Variants in PARN observed in about 807,000 individuals in gnomAD.
PARN encodes poly(A)-specific ribonuclease.
Under a neutral mutation model 102.8 loss-of-function variants are expected in PARN, and 71 were observed. The observed-to-expected ratio is 0.69, with a 90% CI of 0.57 to 0.84. PARN has a LOEUF of 0.84. PARN is among the 40% of genes least tolerant of loss of function. The probability of loss-of-function intolerance (pLI) is 0.00; values close to 1 mark genes in which losing one functional copy is unlikely to be tolerated. For missense variants in PARN, 782 were observed against 760.9 expected (o/e 1.03, Z -0.33); for synonymous variants, 261 against 252.9 (o/e 1.03, Z -0.30).
chr16:14,626,216 C>A (rs1384430591), intron 5 of PARN, among the ~76,000 whole-genome samples: 1 of 152,178 alleles, frequency 6.6e-6, no homozygotes, highest in Non-Finnish European at 1.5e-5. Context: ...TACACACATA[C>A]TCTGCTTTTC....
chr16:14,617,567 A>G, intron 6 of PARN, 23 bp downstream of exon 6: 1 of 1,194,246 alleles, frequency 8.4e-7, no homozygotes, highest in Middle Eastern at 1.9e-4. Flanking sequence ...TAAGCTCTAA[A>G]GATAGGTTAC....
At chr16:14,463,838 T>TTGGG (rs761083037) in intron 22 of PARN, among the ~76,000 whole-genome samples, 1 of 95,044 alleles carries the variant, frequency 1.1e-5, no homozygotes, top group African/African-American at 4.1e-5. Context: ...CTTTTTTTTT[T>TTGGG]GGGGGGGGGG....
At chr16:14,557,412 C>T (rs536493010) in intron 18 of PARN, among the ~76,000 whole-genome samples, 1 of 152,036 alleles carries the variant, frequency 6.6e-6, no homozygotes, top group East Asian at 1.9e-4. Context: ...CAAAAATTCG[C>T]TGGGCATGGT....
intron 18 of PARN, among the ~76,000 whole-genome samples, chr16:14,558,827 C>G (rs1596667189): frequency 6.6e-6 from 1 of 152,058 alleles, no homozygotes; most frequent in Non-Finnish European, 1.5e-5. Flanking sequence ...CCTCTCCCAC[C>G]AACAGCTTTG....
intron 21 of PARN, among the ~76,000 whole-genome samples, chr16:14,534,089 T>C (rs1303348705): frequency 2.6e-5 from 4 of 152,006 alleles, no homozygotes; most frequent in Non-Finnish European, 5.9e-5. Context: ...CATGGTGGCA[T>C]GCTCCTGTAG....
intron 12 of PARN, among the ~76,000 whole-genome samples, chr16:14,595,212 G>A (rs921593633): frequency 3.3e-5 from 5 of 152,268 alleles, no homozygotes; most frequent in South Asian, 4.2e-4. Flanking sequence ...AAACATAATG[G>A]AAGTAATAGA....
chr16:14,489,871 T>C (rs896305377), intron 21 of PARN, among the ~76,000 whole-genome samples: 6 of 152,248 alleles, frequency 3.9e-5, no homozygotes, highest in Non-Finnish European at 7.3e-5. Context: ...ATTAACCCAA[T>C]GGTTACAACA....
chr16:14,493,244 C>T (rs1964147262), intron 21 of PARN, among the ~76,000 whole-genome samples: 1 of 152,170 alleles, frequency 6.6e-6, no homozygotes, highest in East Asian at 1.9e-4. Flanking sequence ...GACAGGGTCT[C>T]TCGCTCTGTT....
intron 23 of PARN, among the ~76,000 whole-genome samples, chr16:14,446,319 C>T (rs1961196772): frequency 6.6e-6 from 1 of 152,240 alleles, no homozygotes; most frequent in Non-Finnish European, 1.5e-5. Context: ...GCCCAGGCAT[C>T]TGCTTCATCA....
At chr16:14,448,031 C>T (rs531484368) in intron 22 of PARN, among the ~76,000 whole-genome samples, 1 of 152,264 alleles carries the variant, frequency 6.6e-6, no homozygotes, top group Non-Finnish European at 1.5e-5. Context: ...GTCACCTAGG[C>T]TGGAGTGCAG....
chr16:14,469,753 C>T (rs1962606682), intron 22 of PARN, among the ~76,000 whole-genome samples: 1 of 151,256 alleles, frequency 6.6e-6, no homozygotes, highest in Admixed American at 6.6e-5. Context: ...AGGATTTCTA[C>T]ATCTGGCAAT....
intron 23 of PARN, among the ~76,000 whole-genome samples, chr16:14,438,376 T>C (rs1411755495): frequency 6.8e-6 from 1 of 146,390 alleles, no homozygotes; most frequent in Non-Finnish European, 1.5e-5. Context: ...GGAAGATAAA[T>C]TGCTAAAAGC....
chr16:14,477,198 G>A (rs1963100736), intron 22 of PARN, among the ~76,000 whole-genome samples: 1 of 152,192 alleles, frequency 6.6e-6, no homozygotes. Flanking sequence ...CCAGCACTTT[G>A]GGAGGTCAAG....
chr16:14,537,646 C>T (rs1006780604), intron 21 of PARN, among the ~76,000 whole-genome samples: 25 of 152,104 alleles, frequency 1.6e-4, no homozygotes, highest in African/African-American at 5.8e-4. Context: ...ACAGATGAGC[C>T]TAGAAGACAT....
At chr16:14,625,763 C>T (rs992445432) in intron 5 of PARN, among the ~76,000 whole-genome samples, 2 of 152,148 alleles carry the variant, frequency 1.3e-5, no homozygotes, top group Non-Finnish European at 2.9e-5. Flanking sequence ...TTGAAGCCTA[C>T]CCTCGAGGCT....
chr16:14,615,407 C>T (rs555119073), intron 6 of PARN, among the ~76,000 whole-genome samples: 1 of 151,824 alleles, frequency 6.6e-6, no homozygotes, highest in African/African-American at 2.4e-5. Context: ...GCTCTAAATG[C>T]ATTTGGAACT....
chr16:14,615,528 G>C (rs1258153034), intron 6 of PARN, among the ~76,000 whole-genome samples: 4 of 151,990 alleles, frequency 2.6e-5, no homozygotes, highest in African/African-American at 9.7e-5. Flanking sequence ...AGCAGTTTTG[G>C]CTCAAAACAA....
intron 9 of PARN, among the ~76,000 whole-genome samples, chr16:14,607,268 C>A (rs1285460984): frequency 1.3e-5 from 2 of 152,168 alleles, no homozygotes; most frequent in East Asian, 1.9e-4. Context: ...GAGTGCCAAG[C>A]CGCAATCTTG....
At chr16:14,461,970 G>C (rs1170781088) in intron 22 of PARN, among the ~76,000 whole-genome samples, 1 of 152,148 alleles carries the variant, frequency 6.6e-6, no homozygotes, top group Non-Finnish European at 1.5e-5. Context: ...TTTCTACACA[G>C]GGATGAGTGG....
Sources: gnomAD v4.1 joint callset for allele counts (sites outside exome capture counted in the v4.1 genomes callset) on GRCh38, gnomAD v4.1.1 for gene constraint, MANE v1.5 for transcripts, NCBI Gene and HGNC (gene_info 2026-07-23, HGNC 2026-07-21) for gene names.